AP3B1: variants seen among roughly 807,000 people sequenced by gnomAD.
AP3B1 encodes adaptor related protein complex 3 subunit beta 1.
In AP3B1, 61 loss-of-function variants were observed where a neutral mutation model predicts 132.5. The ratio of observed to expected loss-of-function variants is 0.46; its 90% CI spans 0.37 to 0.57. The LOEUF (loss-of-function observed/expected upper bound fraction) is 0.57, where lower values mean the gene tolerates loss of function less well. AP3B1 is among the 20% of genes least tolerant of loss of function. The pLI is 0.00. For missense variants in AP3B1, 1,120 were observed against 1,289.4 expected (o/e 0.87, Z 2.01); for synonymous variants, 388 against 438.3 (o/e 0.89, Z 1.43).
At chr5:78,090,083 A>T (rs923633929) in intron 21 of AP3B1, among the ~76,000 whole-genome samples, 4 of 152,038 alleles carry the variant, frequency 2.6e-5, no homozygotes, top group African/African-American at 9.7e-5. Flanking sequence ...TGGTCATGTT[A>T]CTCCCCTGCT....
intron 14 of AP3B1, among the ~76,000 whole-genome samples, chr5:78,148,406 A>G (rs954309905): frequency 2.6e-5 from 4 of 152,140 alleles, no homozygotes; most frequent in African/African-American, 9.7e-5. Context: ...TTCCCTCACT[A>G]AAACCCATGG....
chr5:78,067,929 A>T (rs1749359904), intron 22 of AP3B1, among the ~76,000 whole-genome samples: 1 of 150,962 alleles, frequency 6.6e-6, no homozygotes. Flanking sequence ...GAATTGAAGG[A>T]GACAGACACA....
intron 22 of AP3B1, among the ~76,000 whole-genome samples, chr5:78,057,948 C>T (rs150019405): frequency 4.9e-4 from 75 of 152,158 alleles, no homozygotes; most frequent in Middle Eastern, 3.4e-3. Flanking sequence ...TTCTTTATTA[C>T]ATAATAATTT....
chr5:78,142,184 T>C (rs1268459079), intron 14 of AP3B1, among the ~76,000 whole-genome samples: 1 of 152,212 alleles, frequency 6.6e-6, no homozygotes, highest in East Asian at 1.9e-4. Context: ...TGCATTTCAA[T>C]ATAATTTATG....
chr5:78,110,619 C>T (rs1331106077), intron 19 of AP3B1, among the ~76,000 whole-genome samples: 2 of 151,642 alleles, frequency 1.3e-5, no homozygotes, highest in Non-Finnish European at 2.9e-5. Flanking sequence ...GAATTAAGTA[C>T]TACCAGTAAC....
Position 78,129,391 on chromosome 5 carries a change from TAAA to T in AP3B1, c.1651-87_1651-85del. On this transcript the variant is annotated intron_variant, in intron 15 of 26. Coordinates refer to ENST00000255194, the MANE Select transcript of AP3B1 (RefSeq NM_003664.5). ...TGGATAAACATATTTAAAGAGGTAATAAAAATGAATGGTTATGTCAAACAAATG... is the reference window on the plus strand; with the variant it reads ...TGGATAAACATATTTAAAGAGGTAATAATGAATGGTTATGTCAAACAAATG... 4 of 1,124,816 alleles carry T rather than the reference TAAA, an allele frequency of 3.6e-6. No individual in the cohort carries two copies. In the South Asian group the frequency reaches 5.1e-5, roughly 14 times the overall value. 69.7% of individuals were successfully genotyped at this position (1,124,816 alleles called of 1,614,324 possible). A position where few individuals can be genotyped will look rare whatever the true frequency, so the allele number is the denominator to read the frequency against.
At chr5:78,191,804 T>C (rs1387227593) in intron 7 of AP3B1, among the ~76,000 whole-genome samples, 1 of 152,240 alleles carries the variant, frequency 6.6e-6, no homozygotes, top group Non-Finnish European at 1.5e-5. Flanking sequence ...TGAAGTATAC[T>C]GATAATTACT....
At chr5:78,059,721 T>A (rs1561380415) in intron 22 of AP3B1, among the ~76,000 whole-genome samples, 1 of 152,098 alleles carries the variant, frequency 6.6e-6, no homozygotes, top group African/African-American at 2.4e-5. Flanking sequence ...TTGGTTTTGA[T>A]CTATCTGTAG....
chr5:78,280,072 CAAAA>C (rs70997984), intron 1 of AP3B1, among the ~76,000 whole-genome samples: 4 of 84,936 alleles, frequency 4.7e-5, no homozygotes, highest in Admixed American at 1.4e-4. Flanking sequence ...GACTCTGTCT[CAAAA>C]AAAAAAAAAA....
At chr5:78,271,844 A>G (rs1748556953) in intron 1 of AP3B1, among the ~76,000 whole-genome samples, 1 of 152,250 alleles carries the variant, frequency 6.6e-6, no homozygotes. Flanking sequence ...GAAGGCAATC[A>G]AAATATTTTA....
chr5:78,002,318 A>G (rs955533391), downstream of AP3B1: 1 of 308,370 alleles, frequency 3.2e-6, no homozygotes, highest in Non-Finnish European at 5.9e-6. Context: ...TAAAAATGCA[A>G]AGACAAATAT....
intron 13 of AP3B1, among the ~76,000 whole-genome samples, chr5:78,157,551 C>A (rs1580420630): frequency 6.6e-6 from 1 of 152,116 alleles, no homozygotes; most frequent in Non-Finnish European, 1.5e-5. Flanking sequence ...ACATAACTCA[C>A]CTGAGAACCT....
intron 2 of AP3B1, among the ~76,000 whole-genome samples, chr5:78,252,517 G>C (rs772341997): frequency 3.9e-5 from 6 of 152,142 alleles, no homozygotes; most frequent in Non-Finnish European, 7.4e-5. Context: ...GAGTTCCCCC[G>C]ATAGCTTTTC....
At chr5:78,094,554 G>A (rs558160438) in intron 21 of AP3B1, among the ~76,000 whole-genome samples, 4 of 152,056 alleles carry the variant, frequency 2.6e-5, no homozygotes, top group African/African-American at 4.8e-5. Flanking sequence ...TATTGCTAGG[G>A]TTGCTGCCTT....
At chr5:78,133,002 TA>T (rs1752752616) in intron 15 of AP3B1, among the ~76,000 whole-genome samples, 1 of 152,226 alleles carries the variant, frequency 6.6e-6, no homozygotes, top group Non-Finnish European at 1.5e-5. Context: ...CCACTCTCTT[TA>T]ATGACCTAGG....
At chr5:78,129,764 C>G (rs1752614981) in intron 15 of AP3B1, among the ~76,000 whole-genome samples, 1 of 152,114 alleles carries the variant, frequency 6.6e-6, no homozygotes, top group Non-Finnish European at 1.5e-5. Flanking sequence ...GATACTGTCC[C>G]TGGCATAAGC....
At chr5:78,052,205 A>C (rs1311088194) in intron 22 of AP3B1, among the ~76,000 whole-genome samples, 1 of 152,124 alleles carries the variant, frequency 6.6e-6, no homozygotes, top group Non-Finnish European at 1.5e-5. Context: ...TATTTTAGTA[A>C]TCACTATACA....
At position 78,162,956 on chromosome 5, in the gene AP3B1, A is replaced by C; in HGVS notation, c.1231-5T>G. ...ATCCTGGCTTTTCACATAGGTCTAA[A>C]AGATATTATTTCAATTAGTTTACAC... On this transcript the variant is annotated splice_region_variant and splice_polypyrimidine_tract_variant and intron_variant, in intron 12 of 26. Transcript: ENST00000255194. The C allele has an allele frequency of 1.2e-6, 2 of 1,613,104 alleles. No individual in the cohort carries two copies. The highest frequency in any genetic ancestry group is 1.7e-6 in the Non-Finnish European group (2 of 1,179,244).
chr5:78,145,296 C>A (rs764235522), intron 14 of AP3B1, among the ~76,000 whole-genome samples: 1 of 152,200 alleles, frequency 6.6e-6, no homozygotes, highest in Non-Finnish European at 1.5e-5. Flanking sequence ...GTGCCATGCA[C>A]TGTTTTTGAG....
Sources: gnomAD v4.1 joint callset for allele counts (sites outside exome capture counted in the v4.1 genomes callset) on GRCh38, gnomAD v4.1.1 for gene constraint, MANE v1.5 for transcripts, NCBI Gene and HGNC (gene_info 2026-07-23, HGNC 2026-07-21) for gene names.